The following NME9 variants were observed in gnomAD, a reference collection of about 807,000 sequenced individuals.
The protein encoded by NME9 is NME/NM23 family member 9.
NME9 carries 48 observed loss-of-function variants against 44.4 expected under a neutral mutation model. The ratio of observed to expected loss-of-function variants is 1.08; its 90% CI spans 0.86 to 1.37. The LOEUF is 1.37. Among genes scored for constraint, NME9 ranks in the 40% most tolerant of loss-of-function variants. The pLI is 0.00. For synonymous variants in NME9, 139 were observed against 147.1 expected, an observed-to-expected ratio of 0.94 and a Z score of 0.40; for missense variants, 325 against 405.2, an observed-to-expected ratio of 0.80 and a Z score of 1.70.
At chr3:138,292,025 T>C (rs1375135490) in intron 8 of NME9, among the ~76,000 whole-genome samples, 2 of 152,130 alleles carry the variant, frequency 1.3e-5, no homozygotes, top group Non-Finnish European at 2.9e-5. Flanking sequence ...CCTTTTCCTT[T>C]TTCTTTTTTT....
intron 8 of NME9, among the ~76,000 whole-genome samples, chr3:138,293,223 G>A (rs981459968): frequency 5.3e-5 from 8 of 152,130 alleles, no homozygotes; most frequent in Admixed American, 4.6e-4. Flanking sequence ...CTGCTTCCCC[G>A]AAGCTTACCA....
At chr3:138,283,216 A>G (rs1432918822) in intron 8 of NME9, among the ~76,000 whole-genome samples, 1 of 152,234 alleles carries the variant, frequency 6.6e-6, no homozygotes, top group African/African-American at 2.4e-5. Context: ...GGAGAAATAA[A>G]ACCACACACG....
chr3:138,313,183 G>T (rs192300198), intron 6 of NME9, among the ~76,000 whole-genome samples: 146 of 152,324 alleles, frequency 9.6e-4, no homozygotes, highest in Non-Finnish European at 3.4e-4. Flanking sequence ...CTGATGTCAG[G>T]AGTTCAAAAC....
At chr3:138,301,804 G>A in intron 10 of NME9, 100 bp from the exon 11 acceptor site, 2 of 906,476 alleles carry the variant, frequency 2.2e-6, no homozygotes, top group Non-Finnish European at 3.4e-6. Flanking sequence ...TTAAAGGTCA[G>A]AGCAGGAGGG....
In NME9 at chr3:138,324,906, A is replaced by C. The variant is rs751945247; in HGVS notation, c.58T>G (p.Trp20Gly). Residue 20 changes from tryptophan (W) to glycine (G), a missense_variant, in exon 2 of 11, where the codon TGG becomes GGG. Coordinates refer to ENST00000333911, the MANE Select transcript of NME9 (RefSeq NM_001349018.2). ...LQVNISTQEL[W>G]EEMLSSKGLT... ...CCTTTGGAACTGAGCATTTCCTCCC[A>C]AAGCTCTTGGGTGCTGATGTTGACC... The C allele has an allele frequency of 5.0e-6, 8 of 1,614,016 alleles. No homozygotes were observed. Among genetic ancestry groups the C allele is most frequent in the Non-Finnish European group, 6.8e-6 (8 of 1,179,880 alleles).
intron 8 of NME9, among the ~76,000 whole-genome samples, chr3:138,273,695 C>T (rs1210220375): frequency 6.6e-6 from 1 of 152,116 alleles, no homozygotes; most frequent in Non-Finnish European, 1.5e-5. Flanking sequence ...ATGAGTGGTT[C>T]CCTTCTCTGT....
intron 2 of NME9, among the ~76,000 whole-genome samples, chr3:138,322,530 G>A (rs1236888458): frequency 6.6e-6 from 1 of 151,616 alleles, no homozygotes; most frequent in African/African-American, 2.4e-5. Context: ...GTCTGTGCAT[G>A]CACGTGTAGG....
intron 2 of NME9, chr3:138,324,643 C>T: frequency 1.6e-6 from 1 of 636,322 alleles, no homozygotes; most frequent in Non-Finnish European, 2.9e-6. Flanking sequence ...CCAAACAACC[C>T]TAAGTACTGA....
At chr3:138,289,257 C>T (rs1036081801) in intron 8 of NME9, 1 of 663,972 alleles carries the variant, frequency 1.5e-6, no homozygotes, top group African/African-American at 1.8e-5. Context: ...TCTAGAGTTG[C>T]CCTGGTATGA....
chr3:138,262,614 T>A (rs111772598), intron 8 of NME9: 40,559 of 1,457,016 alleles, frequency 0.028, 269 homozygotes, highest in South Asian at 0.078. Flanking sequence ...AAAAAAAAAA[T>A]TTAGGTGCCT....
At chr3:138,267,326 T>C in intron 8 of NME9, 1 of 799,862 alleles carries the variant, frequency 1.3e-6, no homozygotes. Flanking sequence ...GACATTGAAA[T>C]CTGTGGGTTG....
intron 1 of NME9, among the ~76,000 whole-genome samples, chr3:138,325,957 T>G (rs973979346): frequency 6.6e-6 from 1 of 152,172 alleles, no homozygotes; most frequent in Non-Finnish European, 1.5e-5. Context: ...GAGTGCAAGT[T>G]TTCCTATTTA....
chr3:138,263,069 T>C (rs564179071), intron 8 of NME9, among the ~76,000 whole-genome samples: 2 of 152,370 alleles, frequency 1.3e-5, no homozygotes, highest in African/African-American at 4.8e-5. Flanking sequence ...TACTTTATTC[T>C]AATATGAAAA....
At chr3:138,262,545 C>T in exon 9 of NME9, 2 of 1,612,264 alleles carry the variant, frequency 1.2e-6, no homozygotes, top group South Asian at 1.1e-5. Context: ...TCATTTTAGT[C>T]TAGGTCAGTG....
At chr3:138,309,286 G>A (rs1411354273) in intron 6 of NME9, among the ~76,000 whole-genome samples, 1 of 137,384 alleles carries the variant, frequency 7.3e-6, no homozygotes, top group East Asian at 2.2e-4. Flanking sequence ...TTGACAGAGT[G>A]AGACTTCATC....
chr3:138,263,939 G>T, intron 8 of NME9: 1 of 1,071,232 alleles, frequency 9.3e-7, no homozygotes, highest in African/African-American at 1.6e-5. Flanking sequence ...CTGCTCAGGT[G>T]AATTCATAGA....
In NME9 at chr3:138,329,426, C is replaced by T. The variant is rs948104539; in HGVS notation, c.-91G>A. The T allele has an allele frequency of 2.0e-6, 3 of 1,530,086 alleles. No individual in the cohort carries two copies. In the South Asian group the frequency reaches 3.6e-5, roughly 18 times the overall value. 94.8% of individuals were successfully genotyped at this position (1,530,086 alleles called of 1,614,324 possible). On this transcript the variant is annotated 5_prime_UTR_variant, in exon 1 of 11. Coordinates refer to ENST00000333911, the MANE Select transcript of NME9 (RefSeq NM_001349018.2). ...AAACCGCTGCGTGGATCAGCAAGCC[C>T]AGAGCCTCCTTCAGACAAGCCCCCC...
intron 4 of NME9, 29 bp from the exon 5 acceptor site, chr3:138,315,672 A>T (rs1477790192): frequency 6.8e-7 from 1 of 1,463,112 alleles, no homozygotes; most frequent in South Asian, 1.2e-5. Context: ...AGCATGAAAT[A>T]CTCTTGGCAA....
At chr3:138,267,106 C>A in intron 8 of NME9, 1 of 928,472 alleles carries the variant, frequency 1.1e-6, no homozygotes, top group Non-Finnish European at 1.6e-6. Flanking sequence ...TTTTATATCT[C>A]ATCTTCATCA....
Sources: allele counts gnomAD v4.1 joint callset (sites outside exome capture counted in the v4.1 genomes callset), GRCh38; gene constraint gnomAD v4.1.1; transcripts MANE v1.5; gene names NCBI Gene and HGNC (gene_info 2026-07-23, HGNC 2026-07-21).